MTREX: variants seen among roughly 807,000 people sequenced by gnomAD.
MTREX encodes Mtr4 exosome RNA helicase.
MTREX carries 76 observed loss-of-function variants against 135.4 expected under a neutral mutation model. The observed-to-expected ratio is 0.56, with a 90% CI of 0.47 to 0.68. MTREX has a LOEUF of 0.68. MTREX is among the 30% of genes least tolerant of loss of function. The pLI is 0.00. For missense variants in MTREX, 920 were observed against 1,262.1 expected, an observed-to-expected ratio of 0.73 and a Z score of 4.11; for synonymous variants, 404 against 401.6, an observed-to-expected ratio of 1.01 and a Z score of -0.07.
At chr5:55,329,923 C>T (rs148339650) in intron 5 of MTREX, among the ~76,000 whole-genome samples, 12 of 151,828 alleles carry the variant, frequency 7.9e-5, no homozygotes, top group South Asian at 2.1e-4. Context: ...TCTTTTGGGC[C>T]GCTTAAAGTT....
intron 10 of MTREX, among the ~76,000 whole-genome samples, chr5:55,346,346 A>G (rs1399792425): frequency 1.3e-5 from 2 of 152,190 alleles, no homozygotes; most frequent in African/African-American, 4.8e-5. Flanking sequence ...CCTCCTCCAT[A>G]GAAACAGAGG....
intron 1 of MTREX, among the ~76,000 whole-genome samples, chr5:55,320,417 C>A (rs1272405479): frequency 6.6e-6 from 1 of 152,024 alleles, no homozygotes; most frequent in Non-Finnish European, 1.5e-5. Flanking sequence ...CGGGGTTTCA[C>A]CGTGTTAGCC....
chr5:55,359,294 T>C (rs1423679996), intron 15 of MTREX, among the ~76,000 whole-genome samples: 1 of 152,238 alleles, frequency 6.6e-6, no homozygotes, highest in Non-Finnish European at 1.5e-5. Context: ...GGTTGCCTTT[T>C]TTCTTCTTAT....
At chr5:55,318,718 G>A (rs533643370) in intron 1 of MTREX, among the ~76,000 whole-genome samples, 1 of 152,086 alleles carries the variant, frequency 6.6e-6, no homozygotes, top group African/African-American at 2.4e-5. Context: ...CCCCCATGAC[G>A]TGTTTACCTG....
At chr5:55,348,071 A>G (rs1749767682) in intron 11 of MTREX, among the ~76,000 whole-genome samples, 2 of 152,230 alleles carry the variant, frequency 1.3e-5, no homozygotes, top group South Asian at 4.1e-4. Context: ...GTGGGGACAC[A>G]GAGCCAAACC....
intron 25 of MTREX, among the ~76,000 whole-genome samples, chr5:55,417,665 A>G (rs1447412684): frequency 6.6e-6 from 1 of 152,226 alleles, no homozygotes; most frequent in Non-Finnish European, 1.5e-5. Flanking sequence ...AAACAGGAGC[A>G]CAGGTTGGTG....
intron 15 of MTREX, among the ~76,000 whole-genome samples, chr5:55,363,710 C>T (rs1238267089): frequency 2.6e-5 from 4 of 152,126 alleles, no homozygotes; most frequent in Non-Finnish European, 5.9e-5. Context: ...GACTTGCCCT[C>T]CATGAAGACT....
Position 55,416,030 on chromosome 5 carries a change from A to T in MTREX, c.2869A>T (p.Thr957Ser). Residue 957 changes from threonine to serine, a missense_variant, in exon 25 of 27, where the codon ACT becomes TCT. By Grantham distance (58) the Thr-to-Ser change is moderately conservative (BLOSUM62 1). Transcript: ENST00000230640. ...AEAKLEIDEE[T>S]YLSSFKPHLM... ...AGCCAAATTGGAAATTGATGAGGAA[A>T]CTTATCTAAGCTCATTTAAACCTCA... 6.2e-7 allele frequency: 1 copy of T among 1,603,080 alleles called. No homozygotes were observed.
At chr5:55,389,822 A>G (rs1360590299) in intron 19 of MTREX, among the ~76,000 whole-genome samples, 1 of 149,816 alleles carries the variant, frequency 6.7e-6, no homozygotes. Context: ...AAACCATATT[A>G]TATATATTTA....
At position 55,341,701 on chromosome 5, in the gene MTREX, C is replaced by A; in HGVS notation, c.711C>A (p.Tyr237Ter). The A allele has an allele frequency of 6.3e-7, 1 of 1,589,630 alleles. No individual in the cohort carries two copies. The highest frequency in any genetic ancestry group is 1.1e-5 in the South Asian group (1 of 88,682). Reference sequence around the variant, plus strand: ...TTTAGATTTTGAGAAGTATGCTTTACAGAGGTTCCGAAGTTATGAGAGAAG... The same window carrying A: ...TTTAGATTTTGAGAAGTATGCTTTAAAGAGGTTCCGAAGTTATGAGAGAAG... Reference protein sequence around the residue: ...MTTEILRSMLYRGSEVMREVA... With the variant: ...MTTEILRSML The change falls in exon 7 of 27, where the codon TAC (tyrosine) becomes TAA (stop). Residue 237 changes from tyrosine (Y) to a stop codon, truncating the protein, a stop_gained. Transcript: ENST00000230640. LOFTEE classifies it high-confidence loss of function.
At chr5:55,371,356 C>T (rs1447368195) in intron 16 of MTREX, among the ~76,000 whole-genome samples, 3 of 152,156 alleles carry the variant, frequency 2.0e-5, no homozygotes, top group African/African-American at 7.2e-5. Context: ...TTCCTAGTCA[C>T]TCCCAGGCTT....
At chr5:55,308,272 T>G in intron 1 of MTREX, 125 bp downstream of exon 1, 1 of 1,206,146 alleles carries the variant, frequency 8.3e-7, no homozygotes, top group Non-Finnish European at 1.1e-6. Flanking sequence ...AGTGAAGGGG[T>G]TCCAGAAAAA....
intron 11 of MTREX, among the ~76,000 whole-genome samples, chr5:55,349,023 G>C (rs1354996005): frequency 6.6e-6 from 1 of 151,942 alleles, no homozygotes; most frequent in Admixed American, 6.6e-5. Flanking sequence ...CACCAGATGT[G>C]GTTATTGTTA....
At chr5:55,389,979 A>G (rs1338507707) in intron 19 of MTREX, among the ~76,000 whole-genome samples, 3 of 152,218 alleles carry the variant, frequency 2.0e-5, no homozygotes, top group Non-Finnish European at 2.9e-5. Flanking sequence ...TATTCAGGGT[A>G]GGTTAAAAGC....
rs1749982982 is a variant in MTREX, at chr5:55,360,051, T to C, written c.1659+1353T>C. On this transcript the variant is annotated intron_variant, in intron 15 of 26. Coordinates refer to ENST00000230640, the MANE Select transcript of MTREX (RefSeq NM_015360.5). ...ATCAATTTTAGAATATTTTCATCAATCCAAAAAGAAACCCCTGTACCTATT... is the reference window on the plus strand; with the variant it reads ...ATCAATTTTAGAATATTTTCATCAACCCAAAAAGAAACCCCTGTACCTATT... 2.0e-5 allele frequency among the ~76,000 whole-genome samples: 3 copies of C among 152,142 alleles called. No individual in the cohort carries two copies. The South Asian group carries it at 6.2e-4, about 31-fold the overall frequency.
At chr5:55,333,728 A>G (rs1413743314) in intron 5 of MTREX, among the ~76,000 whole-genome samples, 1 of 152,274 alleles carries the variant, frequency 6.6e-6, no homozygotes, top group South Asian at 2.1e-4. Flanking sequence ...TGACCCAGCA[A>G]TTCTACTCCT....
intron 7 of MTREX, 96 bp downstream of exon 7, chr5:55,341,867 G>A (rs1000487444): frequency 4.9e-6 from 3 of 606,356 alleles, no homozygotes; most frequent in South Asian, 4.9e-5. Flanking sequence ...TCTAGTTTTT[G>A]TGTGGCTAGG....
chr5:55,331,224 C>T (rs1042837287), intron 5 of MTREX, among the ~76,000 whole-genome samples: 3 of 152,158 alleles, frequency 2.0e-5, no homozygotes, highest in African/African-American at 7.2e-5. Context: ...TTTCCTGCAC[C>T]TTGACATACC....
chr5:55,323,010 T>G lies in MTREX; in HGVS notation c.272+546T>G, dbSNP rs112290367. ...CCTGTTTTGTATTGTGGTAATGATCTTTACAACTTTGCTCCTCCCTTCTAA... is the reference window on the plus strand; with the variant it reads ...CCTGTTTTGTATTGTGGTAATGATCGTTACAACTTTGCTCCTCCCTTCTAA... On this transcript the variant is annotated intron_variant, in intron 2 of 26. Coordinates refer to ENST00000230640, the MANE Select transcript of MTREX (RefSeq NM_015360.5). 6.1e-3 allele frequency among the ~76,000 whole-genome samples: 928 copies of G among 152,346 alleles called. 8 individuals are homozygous for G. The highest frequency in any genetic ancestry group is 0.022 in the African/African-American group (895 of 41,578).
Sources: gnomAD v4.1 joint callset for allele counts (sites outside exome capture counted in the v4.1 genomes callset) on GRCh38, gnomAD v4.1.1 for gene constraint, MANE v1.5 for transcripts, NCBI Gene and HGNC (gene_info 2026-07-23, HGNC 2026-07-21) for gene names.